RANBP2: variants seen among roughly 807,000 people sequenced by gnomAD.
RANBP2 encodes the protein E3 SUMO-protein ligase RanBP2.
RANBP2 carries 57 observed loss-of-function variants against 303.6 expected under a neutral mutation model. That is an observed-to-expected ratio of 0.19 (90% CI 0.15 to 0.23). The LOEUF (loss-of-function observed/expected upper bound fraction) is 0.23, where lower values mean the gene tolerates loss of function less well. Among genes scored for constraint, RANBP2 ranks in the 10% least tolerant of loss-of-function variants. The pLI is 1.00. For missense variants in RANBP2, 3,138 were observed against 3,780.8 expected, an observed-to-expected ratio of 0.83 and a Z score of 4.46; for synonymous variants, 1,167 against 1,301.5, an observed-to-expected ratio of 0.90 and a Z score of 2.23.
chr2:109,113,066 G>T, the RANBP2 span, among the ~76,000 whole-genome samples: 4 of 152,140 alleles, frequency 2.6e-5, no homozygotes. Flanking sequence ...GTCAGGTAGT[G>T]TGATGCCTCC....
the RANBP2 span, among the ~76,000 whole-genome samples, chr2:108,853,892 T>C: frequency 8.2e-6 from 1 of 121,282 alleles, no homozygotes; most frequent in African/African-American, 3.3e-5. Flanking sequence ...TATTATATAG[T>C]ATATATATTA....
chr2:109,109,325 T>C, the RANBP2 span, among the ~76,000 whole-genome samples: 27 of 152,268 alleles, frequency 1.8e-4, no homozygotes, highest in Admixed American at 2.6e-4. Flanking sequence ...TTCGGGCCTT[T>C]GTCACTTTGC....
chr2:109,417,416 G>C, the RANBP2 span, among the ~76,000 whole-genome samples: 100 of 152,254 alleles, frequency 6.6e-4, no homozygotes, highest in African/African-American at 2.4e-3. Flanking sequence ...GGTGTCCCGG[G>C]CAGACAGAAG....
the RANBP2 span, among the ~76,000 whole-genome samples, chr2:109,063,729 C>T: frequency 6.2e-4 from 94 of 151,998 alleles, no homozygotes; most frequent in Non-Finnish European, 1.0e-3. Flanking sequence ...GATGTAATTT[C>T]TGACAAATCG....
chr2:109,602,680 TAA>T, the RANBP2 span, among the ~76,000 whole-genome samples: 81 of 94,932 alleles, frequency 8.5e-4, no homozygotes, highest in Admixed American at 1.5e-3. Flanking sequence ...CATCTCAAAT[TAA>T]AAAAAAAAAA....
chr2:109,426,152 G>A, the RANBP2 span, among the ~76,000 whole-genome samples: 3 of 152,120 alleles, frequency 2.0e-5, no homozygotes, highest in African/African-American at 4.8e-5. Context: ...CAAGTGATCC[G>A]TCCGCCTTGG....
At chr2:109,699,587 A>G in the RANBP2 span, among the ~76,000 whole-genome samples, 1 of 152,254 alleles carries the variant, frequency 6.6e-6, no homozygotes, top group Admixed American at 6.5e-5. Context: ...TTTATTATTT[A>G]TTAAGCGGAA....
the RANBP2 span, among the ~76,000 whole-genome samples, chr2:109,452,229 T>C: frequency 2.0e-5 from 3 of 152,244 alleles, no homozygotes; most frequent in African/African-American, 7.2e-5. Flanking sequence ...ACCAGCAGAC[T>C]GTGCTGGGCT....
the RANBP2 span, among the ~76,000 whole-genome samples, chr2:109,187,963 C>T: frequency 4.9e-4 from 74 of 152,256 alleles, no homozygotes; most frequent in Middle Eastern, 3.4e-3. Flanking sequence ...CTTTGGAGGG[C>T]GGTAGGGATT....
At chr2:109,509,495 C>T in the RANBP2 span, among the ~76,000 whole-genome samples, 1 of 152,094 alleles carries the variant, frequency 6.6e-6, no homozygotes, top group South Asian at 2.1e-4. Context: ...TGTCAAGCAG[C>T]TGTGGCGGGT....
chr2:108,925,707 T>C, the RANBP2 span, among the ~76,000 whole-genome samples: 5 of 152,078 alleles, frequency 3.3e-5, no homozygotes, highest in African/African-American at 9.7e-5. Flanking sequence ...AACTTCCGCC[T>C]CCCAGGTGCA....
the RANBP2 span, among the ~76,000 whole-genome samples, chr2:108,963,978 C>T: frequency 6.6e-6 from 1 of 152,214 alleles, no homozygotes; most frequent in Admixed American, 6.5e-5. Context: ...CAACCATCAG[C>T]TGAGGCAGCT....
chr2:109,646,179 C>T, the RANBP2 span, among the ~76,000 whole-genome samples: 1 of 152,042 alleles, frequency 6.6e-6, no homozygotes, highest in Non-Finnish European at 1.5e-5. Flanking sequence ...GGTGACTGTC[C>T]CTTATCCGTA....
chr2:109,713,669 T>C, the RANBP2 span, among the ~76,000 whole-genome samples: 1 of 152,190 alleles, frequency 6.6e-6, no homozygotes, highest in African/African-American at 2.4e-5. Context: ...CCCTGATCCT[T>C]GTGCCCAGAG....
chr2:109,224,888 A>G, the RANBP2 span, among the ~76,000 whole-genome samples: 1 of 152,198 alleles, frequency 6.6e-6, no homozygotes, highest in Non-Finnish European at 1.5e-5. Context: ...ATTCTAGTCA[A>G]TTAAAACTGA....
the RANBP2 span, chr2:109,585,607 C>A: frequency 6.1e-6 from 5 of 825,494 alleles, no homozygotes; most frequent in Admixed American, 2.2e-5. Flanking sequence ...AAAGAGAATC[C>A]CTGGGATCAT....
the RANBP2 span, among the ~76,000 whole-genome samples, chr2:109,644,197 C>T: frequency 1.3e-5 from 2 of 151,544 alleles, no homozygotes; most frequent in African/African-American, 2.4e-5. Context: ...GTCCCAGCTA[C>T]TCCGGAGGCC....
the RANBP2 span, among the ~76,000 whole-genome samples, chr2:109,111,947 A>G: frequency 6.6e-6 from 1 of 151,942 alleles, no homozygotes; most frequent in African/African-American, 2.4e-5. Flanking sequence ...CCATGTCCCT[A>G]CAAAGGACAT....
the RANBP2 span, among the ~76,000 whole-genome samples, chr2:109,254,142 G>C: frequency 6.6e-6 from 1 of 152,138 alleles, no homozygotes; most frequent in African/African-American, 2.4e-5. Flanking sequence ...CCTCTAGCAA[G>C]GACTCTTAGA....
Sources: gnomAD v4.1 joint callset for allele counts (sites outside exome capture counted in the v4.1 genomes callset) on GRCh38, gnomAD v4.1.1 for gene constraint, MANE v1.5 for transcripts, NCBI Gene and HGNC (gene_info 2026-07-23, HGNC 2026-07-21) for gene names.